OVOL3: variants seen among roughly 807,000 people sequenced by gnomAD.
OVOL3 encodes the protein ovo like zinc finger 3.
Under a neutral mutation model 13.6 loss-of-function variants are expected in OVOL3, and 15 were observed. The ratio of observed to expected loss-of-function variants is 1.11; its 90% confidence interval spans 0.74 to 1.70. The LOEUF (loss-of-function observed/expected upper bound fraction) is 1.70, where lower values mean the gene tolerates loss of function less well. Ranked by LOEUF, OVOL3 falls within the 40% of genes most tolerant of loss-of-function variation. OVOL3 has a pLI of 0.00. For synonymous variants in OVOL3, 102 were observed against 108.5 expected, an observed-to-expected ratio of 0.94 and a Z score of 0.37; for missense variants, 290 against 280.6, an observed-to-expected ratio of 1.03 and a Z score of -0.24.
rs774958480 is a variant in OVOL3, at chr19:36,112,888, C to A, written c.288C>A (p.Arg96=). The part of the protein sequence containing the change: ...TRHLKCHSPV[R]RHLCRCCGKG... ...ACCTCAAGTGCCACAGCCCCGTGCG[C>A]CGCCACCTGTGCCGCTGTTGTGGCA... Residue 96 remains arginine, a synonymous_variant, in exon 3 of 4, where the codon CGC becomes CGA. Transcript: ENST00000633214. The A allele has an allele frequency of 2.6e-6, 4 of 1,536,082 alleles. 1 individual carries two copies. Among genetic ancestry groups the A allele is most frequent in the African/African-American group, 1.4e-5 (1 of 73,062 alleles).
intron 2 of OVOL3, 37 bp downstream of exon 2, chr19:36,111,470 G>C (rs1024368716): frequency 6.6e-7 from 1 of 1,526,458 alleles, no homozygotes; most frequent in African/African-American, 1.4e-5. Context: ...CAGCTGTTTC[G>C]CTCCTGCCTG....
chr19:36,111,370 C>A lies in OVOL3; in HGVS notation c.96C>A (p.Asp32Glu). The change falls in exon 2 of 4, where the codon GAC becomes GAA. Residue 32 changes from aspartate (D) to glutamate (E), a missense_variant and splice_region_variant. Physicochemically the swap from Asp to Glu is conservative, Grantham distance 45. Transcript: ENST00000633214. ...TCACCATCTGGCTTTTCTCCTCAGACTGCAGCAGCCTGGGGGGGCCACCGG... is the reference window on the plus strand; with the variant it reads ...TCACCATCTGGCTTTTCTCCTCAGAATGCAGCAGCCTGGGGGGGCCACCGG... The part of the protein sequence containing the change: ...DQLRGDAYIP[D>E]CSSLGGPPAQ... The A allele has an allele frequency of 6.5e-7, 1 of 1,535,864 alleles. No homozygotes were observed. Among genetic ancestry groups the A allele is most frequent in the Non-Finnish European group, 8.7e-7 (1 of 1,146,746 alleles).
rs1973878685 is a variant in OVOL3, at chr19:36,113,534, A to G, written c.446A>G (p.His149Arg). 1 of 1,536,166 alleles carries G rather than the reference A, an allele frequency of 6.5e-7. No individual in the cohort carries two copies. Among genetic ancestry groups the G allele is most frequent in the South Asian group, 1.2e-5 (1 of 84,072 alleles). ...CTGGAAGCTCACCTTGCTAAGGTGC[A>G]TGGACAGCCGGCCAGCTACGCTTAC... ...CSLEAHLAKV[H>R]GQPASYAYRE... is the part of the protein sequence containing the mutation. Residue 149 changes from histidine (H) to arginine (R), a missense_variant, in exon 4 of 4, where the codon CAT (histidine) becomes CGT (arginine). Coordinates refer to ENST00000633214, the MANE Select transcript of OVOL3 (RefSeq NM_001302757.2).
At position 36,112,787 on chromosome 19, in the gene OVOL3, G is replaced by C; in HGVS notation, c.187G>C (p.Ala63Pro). 6.5e-7 allele frequency: 1 copy of C among 1,534,832 alleles called. No individual in the cohort carries two copies. The highest frequency in any genetic ancestry group is 8.7e-7 in the Non-Finnish European group (1 of 1,146,662). The change falls in exon 3 of 4, where the codon GCT becomes CCT. Residue 63 changes from alanine (A) to proline (P), a missense_variant. Coordinates refer to ENST00000633214, the MANE Select transcript of OVOL3 (RefSeq NM_001302757.2). ...AQPTQGNLTS[A>P]PRGPGTLGCP... is the part of the protein sequence containing the mutation. ...GCCCACACAGGGCAACCTGACCTCTGCTCCCAGGGGCCCTGGGACGCTGGG... is the reference window on the plus strand; with the variant it reads ...GCCCACACAGGGCAACCTGACCTCTCCTCCCAGGGGCCCTGGGACGCTGGG...
rs1455650031 is a variant in OVOL3, at chr19:36,112,899, G to A, written c.299G>A (p.Cys100Tyr). The A allele has an allele frequency of 7.8e-6, 12 of 1,536,240 alleles. No individual in the cohort carries two copies. Among genetic ancestry groups the A allele is most frequent in the Non-Finnish European group, 1.0e-5 (12 of 1,146,942 alleles). Residue 100 changes from cysteine (C) to tyrosine (Y), a missense_variant, in exon 3 of 4, where the codon TGC becomes TAC. Cys to Tyr is a radical substitution (Grantham distance 194). Transcript: ENST00000633214. ...CACAGCCCCGTGCGCCGCCACCTGTGCCGCTGTTGTGGCAAGGGCTTTCAT... is the reference window on the plus strand; with the variant it reads ...CACAGCCCCGTGCGCCGCCACCTGTACCGCTGTTGTGGCAAGGGCTTTCAT... ...KCHSPVRRHL[C>Y]RCCGKGFHDA...
intron 2 of OVOL3, among the ~76,000 whole-genome samples, chr19:36,112,253 C>G (rs1213007029): frequency 3.3e-5 from 5 of 150,432 alleles, no homozygotes; most frequent in Non-Finnish European, 7.4e-5. Context: ...GGCATAGTGG[C>G]TCATGCCTGT....
At chr19:36,112,649 C>G in intron 2 of OVOL3, 111 bp from the exon 3 acceptor site, 1 of 988,224 alleles carries the variant, frequency 1.0e-6, no homozygotes, top group Non-Finnish European at 1.5e-6. Flanking sequence ...TCCCACCTGC[C>G]TTCCTAATCC....
chr19:36,111,877 C>A, intron 2 of OVOL3: 1 of 458,030 alleles, frequency 2.2e-6, no homozygotes, highest in South Asian at 1.5e-5. Context: ...AGACAAAAAT[C>A]CACAATTTTA....
rs762494478 is a variant in OVOL3 at position 36,111,236 on chromosome 19, C to A, written c.34C>A (p.Pro12Thr). 2.6e-6 allele frequency: 4 copies of A among 1,535,828 alleles called. No individual in the cohort carries two copies. Among genetic ancestry groups the A allele is most frequent in the Non-Finnish European group, 8.7e-7 (1 of 1,146,866 alleles). ...CGCCTTCCTGGTCAGGAGTCGGCGT[C>A]CACAGCCCCCCAACTGGGGCCATCT... The part of the protein sequence containing the change: ...PRAFLVRSRR[P>T]QPPNWGHLPD... Residue 12 changes from proline to threonine, a missense_variant, in exon 1 of 4, where the codon CCA (proline) becomes ACA (threonine). Pro to Thr is a conservative substitution (Grantham distance 38). Coordinates refer to ENST00000633214, the MANE Select transcript of OVOL3 (RefSeq NM_001302757.2).
rs1211269449 is a variant in OVOL3, at chr19:36,112,356, CA to C, written c.160-398del. Among the ~76,000 whole-genome samples the C allele has an allele frequency of 2.6e-5, 4 of 152,026 alleles. No individual in the cohort carries two copies. The South Asian group carries it at 8.3e-4, about 32-fold the overall frequency. On this transcript the variant is annotated intron_variant, in intron 2 of 3. Transcript: ENST00000633214. ...CCAACATGGTGAAACCCCATCTCTACAAAAAATAAAAAAATTAACTGGGCAT... is the reference window on the plus strand; with the variant it reads ...CCAACATGGTGAAACCCCATCTCTACAAAAATAAAAAAATTAACTGGGCAT...
At position 36,111,279 on chromosome 19, in the gene OVOL3, G is replaced by C. The variant is rs1241087683; in HGVS notation, c.77G>C (p.Gly26Ala). Residue 26 changes from glycine to alanine, a missense_variant, in exon 1 of 4, where the codon GGA becomes GCA. By Grantham distance (60) the Gly-to-Ala change is moderately conservative. Transcript: ENST00000633214. The stretch of plus-strand genomic sequence containing the variant: ...GGCCATCTGCCTGACCAGCTCCGGG[G>C]AGATGCCTATATCCCAGGTGGGCCC... ...NWGHLPDQLR[G>A]DAYIPDCSSL... 3 of 1,536,058 alleles carry C rather than the reference G, an allele frequency of 2.0e-6. No individual in the cohort carries two copies. Among genetic ancestry groups the C allele is most frequent in the Admixed American group, 2.0e-5 (1 of 50,994 alleles).
chr19:36,112,004 C>T (rs371004045), intron 2 of OVOL3, among the ~76,000 whole-genome samples: 1 of 152,072 alleles, frequency 6.6e-6, no homozygotes, highest in East Asian at 1.9e-4. Flanking sequence ...AGTTCGAGAC[C>T]AGGCTGGCCA....
Position 36,111,242 on chromosome 19 carries a change from C to T in OVOL3, c.40C>T (p.Pro14Ser). ...AFLVRSRRPQPPNWGHLPDQL... is the reference protein window; with the variant it reads ...AFLVRSRRPQSPNWGHLPDQL... ...CCTGGTCAGGAGTCGGCGTCCACAGCCCCCCAACTGGGGCCATCTGCCTGA... is the reference window on the plus strand; with the variant it reads ...CCTGGTCAGGAGTCGGCGTCCACAGTCCCCCAACTGGGGCCATCTGCCTGA... Residue 14 changes from proline (P) to serine (S), a missense_variant, in exon 1 of 4, where the codon CCC becomes TCC. Coordinates refer to ENST00000633214, the MANE Select transcript of OVOL3 (RefSeq NM_001302757.2). 1 of 1,535,924 alleles carries T rather than the reference C, an allele frequency of 6.5e-7. No homozygotes were observed. The highest frequency in any genetic ancestry group is 8.7e-7 in the Non-Finnish European group (1 of 1,146,832).
intron 3 of OVOL3, 123 bp downstream of exon 3, chr19:36,113,087 C>T: frequency 1.8e-6 from 2 of 1,108,192 alleles, no homozygotes; most frequent in East Asian, 2.6e-5. Context: ...AGAATCAAGA[C>T]ATGATGTCTC....
chr19:36,112,027 C>T (rs1485490826), intron 2 of OVOL3, among the ~76,000 whole-genome samples: 1 of 151,952 alleles, frequency 6.6e-6, no homozygotes, highest in Non-Finnish European at 1.5e-5. Flanking sequence ...ATGTTGAAAC[C>T]TTGTCTCTAC....
In OVOL3 at chr19:36,111,215, T is replaced by C. The variant is rs1358980123; in HGVS notation, c.13T>C (p.Phe5Leu). 3 of 1,535,050 alleles carry C rather than the reference T, an allele frequency of 2.0e-6. No homozygotes were observed. The highest frequency in any genetic ancestry group is 1.7e-6 in the Non-Finnish European group (2 of 1,146,492). ...CCTTCCGGAGGGCATGCCCCGCGCC[T>C]TCCTGGTCAGGAGTCGGCGTCCACA... Reference protein sequence around the residue: MPRAFLVRSRRPQPP... With the variant: MPRALLVRSRRPQPP... Residue 5 changes from phenylalanine to leucine, a missense_variant, in exon 1 of 4, where the codon TTC becomes CTC. Coordinates refer to ENST00000633214, the MANE Select transcript of OVOL3 (RefSeq NM_001302757.2).
rs1973882335 is a variant in OVOL3, at chr19:36,113,632, C to T, written c.544C>T (p.Gln182Ter). 1 of 1,546,544 alleles carries T rather than the reference C, an allele frequency of 6.5e-7. No homozygotes were observed. The highest frequency in any genetic ancestry group is 8.7e-7 in the Non-Finnish European group (1 of 1,146,732). ...FTSSRPDTYA[Q>*]HRALHRAA Reference sequence around the variant, plus strand: ...CAGCTCCCGGCCCGACACCTACGCACAGCACCGCGCCCTGCACCGCGCAGC... The same window carrying T: ...CAGCTCCCGGCCCGACACCTACGCATAGCACCGCGCCCTGCACCGCGCAGC... The change falls in exon 4 of 4, where the codon CAG becomes TAG. Residue 182 changes from glutamine to a stop codon, truncating the protein, a stop_gained. Coordinates refer to ENST00000633214, the MANE Select transcript of OVOL3 (RefSeq NM_001302757.2). LOFTEE classifies it high-confidence loss of function.
At chr19:36,111,932 T>G (rs1973830637) in intron 2 of OVOL3, 1 of 440,680 alleles carries the variant, frequency 2.3e-6, no homozygotes, top group African/African-American at 2.0e-5. Flanking sequence ...GACAATAAAA[T>G]TAGTCAGCCT....
intron 3 of OVOL3, 148 bp from the exon 4 acceptor site, chr19:36,113,305 A>C: frequency 2.5e-6 from 2 of 815,990 alleles, no homozygotes; most frequent in East Asian, 2.7e-5. Context: ...GGGTGACGGT[A>C]GCAGATGGTG....
Sources: allele counts gnomAD v4.1 joint callset (sites outside exome capture counted in the v4.1 genomes callset), GRCh38; gene constraint gnomAD v4.1.1; transcripts MANE v1.5; gene names NCBI Gene and HGNC (gene_info 2026-07-23, HGNC 2026-07-21).